CSMD1: variants seen among roughly 807,000 people sequenced by gnomAD.
CSMD1 encodes the protein CUB and sushi domain-containing protein 1.
A neutral mutation model predicts 417.5 loss-of-function variants in CSMD1; 213 were observed. That is an observed-to-expected ratio of 0.51 (90% confidence interval 0.46 to 0.57). The LOEUF is 0.57. Among genes scored for constraint, CSMD1 ranks in the 20% least tolerant of loss-of-function variants. The pLI is 0.00. For synonymous variants in CSMD1, 2,862 were observed against 1,736.8 expected, an observed-to-expected ratio of 1.65 and a Z score of -16.11; for missense variants, 6,923 against 4,529.7, an observed-to-expected ratio of 1.53 and a Z score of -15.17.
intron 3 of CSMD1, among the ~76,000 whole-genome samples, chr8:4,374,088 G>A (rs1221278534): frequency 6.6e-6 from 1 of 152,134 alleles, no homozygotes; most frequent in East Asian, 1.9e-4. Flanking sequence ...TGTATCATAT[G>A]TGACCGAAGC....
intron 3 of CSMD1, among the ~76,000 whole-genome samples, chr8:4,066,448 GATA>G (rs1373032885): frequency 2.0e-5 from 3 of 152,104 alleles, no homozygotes; most frequent in African/African-American, 4.8e-5. Flanking sequence ...CTAGCTACCC[GATA>G]ATATTTTCCA....
chr8:4,209,340 G>C (rs544301481), intron 3 of CSMD1, among the ~76,000 whole-genome samples: 1 of 152,256 alleles, frequency 6.6e-6, no homozygotes, highest in Admixed American at 6.5e-5. Flanking sequence ...AACTCACAGG[G>C]ACAGAAAGAA....
chr8:3,459,107 C>T (rs542459913), intron 12 of CSMD1, among the ~76,000 whole-genome samples: 17 of 152,318 alleles, frequency 1.1e-4, no homozygotes, highest in African/African-American at 3.8e-4. Context: ...GGATGGCAAG[C>T]ACACAGCATG....
intron 8 of CSMD1, among the ~76,000 whole-genome samples, chr8:3,595,213 G>A (rs886493776): frequency 2.6e-5 from 4 of 152,160 alleles, no homozygotes; most frequent in Non-Finnish European, 5.9e-5. Context: ...AGACCAGGAA[G>A]GCTGGGAAGA....
intron 3 of CSMD1, among the ~76,000 whole-genome samples, chr8:4,378,359 A>G (rs955748091): frequency 6.6e-6 from 1 of 152,248 alleles, no homozygotes; most frequent in East Asian, 1.9e-4. Context: ...TAGGTGGAAC[A>G]TAATCATGAG....
intron 3 of CSMD1, among the ~76,000 whole-genome samples, chr8:4,402,713 C>G (rs1804725552): frequency 6.6e-6 from 1 of 150,920 alleles, no homozygotes; most frequent in South Asian, 2.1e-4. Context: ...AAACAGCCGT[C>G]ATATCCTTCT....
Position 4,906,375 on chromosome 8 carries a change from G to A in CSMD1, c.85+87957C>T, listed in dbSNP as rs188798875. Reference sequence around the variant, plus strand: ...TTGCATACAACTTATGTTATTGTGGGTAGAACACTGAGTTGTCAAAGGGAT... The same window carrying A: ...TTGCATACAACTTATGTTATTGTGGATAGAACACTGAGTTGTCAAAGGGAT... On this transcript the variant is annotated intron_variant, in intron 1 of 69. Transcript: ENST00000635120. Among the ~76,000 whole-genome samples the A allele has an allele frequency of 4.8e-3, 738 of 152,242 alleles. 4 individuals are homozygous for A. Among genetic ancestry groups the A allele is most frequent in the Non-Finnish European group, 7.7e-3 (527 of 68,024 alleles).
At chr8:4,657,826 G>T (rs569902226) in intron 1 of CSMD1, among the ~76,000 whole-genome samples, 1 of 151,062 alleles carries the variant, frequency 6.6e-6, no homozygotes, top group South Asian at 2.1e-4. Flanking sequence ...GGAAACCATA[G>T]ACAAAAAGGT....
intron 54 of CSMD1, among the ~76,000 whole-genome samples, chr8:2,995,518 G>T (rs1017502519): frequency 5.3e-5 from 8 of 152,116 alleles, no homozygotes; most frequent in African/African-American, 1.9e-4. Context: ...TGCAAATACC[G>T]TATGTGCCAG....
intron 5 of CSMD1, among the ~76,000 whole-genome samples, chr8:3,916,226 C>A (rs10503222): frequency 0.012 from 1,778 of 152,142 alleles, 18 homozygotes; most frequent in Non-Finnish European, 0.018. Context: ...GCCAACCGGT[C>A]ATTTATGAGG....
chr8:3,553,900 T>A (rs1382065233), intron 10 of CSMD1, among the ~76,000 whole-genome samples: 1 of 152,218 alleles, frequency 6.6e-6, no homozygotes, highest in East Asian at 1.9e-4. Context: ...CAGTCATATT[T>A]AAATGGTCAT....
chr8:4,961,086 G>T (rs563250929), intron 1 of CSMD1, among the ~76,000 whole-genome samples: 44 of 151,888 alleles, frequency 2.9e-4, no homozygotes, highest in African/African-American at 1.0e-3. Flanking sequence ...ATTAACAACG[G>T]GTGTTTACCT....
At chr8:4,654,646 A>T (rs1479673423) in intron 1 of CSMD1, among the ~76,000 whole-genome samples, 4 of 152,144 alleles carry the variant, frequency 2.6e-5, no homozygotes, top group African/African-American at 9.7e-5. Context: ...AAGTCAGCTT[A>T]GATTGTAATA....
At position 3,370,203 on chromosome 8, in the gene CSMD1, G is replaced by C. The variant is rs77086735; in HGVS notation, c.2783-833C>G. Among the ~76,000 whole-genome samples the C allele has an allele frequency of 7.7e-4, 118 of 152,270 alleles. 1 individual carries two copies. In the East Asian group the frequency reaches 0.021, roughly 28 times the overall value. ...TTACAGACATCAAGAGGAGAATATT[G>C]ACACGTTCCCGCCAACTTTCTTCTT... is the stretch of plus-strand genomic sequence containing the variant. On this transcript the variant is annotated intron_variant, in intron 18 of 69. Transcript: ENST00000635120.
intron 37 of CSMD1, among the ~76,000 whole-genome samples, chr8:3,180,711 T>C (rs993396652): frequency 3.9e-5 from 6 of 152,252 alleles, no homozygotes; most frequent in African/African-American, 1.4e-4. Flanking sequence ...TCTTGGCTCA[T>C]GGCAACCTCT....
intron 2 of CSMD1, among the ~76,000 whole-genome samples, chr8:4,555,701 G>T (rs1237718300): frequency 1.3e-5 from 2 of 152,166 alleles, no homozygotes; most frequent in South Asian, 4.1e-4. Context: ...TTAGGGGTGA[G>T]ATTCTTCACA....
At chr8:3,999,586 T>C (rs775549155) in intron 4 of CSMD1, among the ~76,000 whole-genome samples, 10 of 152,156 alleles carry the variant, frequency 6.6e-5, no homozygotes, top group Admixed American at 2.0e-4. Context: ...GCCAGGGGCA[T>C]AGGGGTAGTT....
At chr8:4,733,290 G>A (rs1423179678) in intron 1 of CSMD1, among the ~76,000 whole-genome samples, 1 of 152,136 alleles carries the variant, frequency 6.6e-6, no homozygotes, top group East Asian at 1.9e-4. Flanking sequence ...AAAAATAAAT[G>A]ACTAAAAATG....
At chr8:4,327,925 C>T (rs1313389779) in intron 3 of CSMD1, among the ~76,000 whole-genome samples, 3 of 152,266 alleles carry the variant, frequency 2.0e-5, no homozygotes, top group African/African-American at 7.2e-5. Context: ...TTGCTCACCA[C>T]ATAATTGGCA....
Sources: allele counts gnomAD v4.1 joint callset (sites outside exome capture counted in the v4.1 genomes callset), GRCh38; gene constraint gnomAD v4.1.1; transcripts MANE v1.5; gene names NCBI Gene and HGNC (gene_info 2026-07-23, HGNC 2026-07-21).